The following LAMB1 variants were observed in gnomAD, a reference collection of about 807,000 sequenced individuals.
LAMB1 encodes the protein laminin subunit beta 1.
In LAMB1, 121 loss-of-function variants were observed where a neutral mutation model predicts 222.3. That is an observed-to-expected ratio of 0.54 (90% CI 0.47 to 0.63). The LOEUF is 0.63. Ranked by LOEUF, LAMB1 falls within the 30% of genes least tolerant of loss-of-function variation. The probability of loss-of-function intolerance (pLI) is 0.00; values close to 1 mark genes in which losing one functional copy is unlikely to be tolerated. For synonymous variants in LAMB1, 794 were observed against 807.2 expected (o/e 0.98, Z 0.28); for missense variants, 2,172 against 2,240.8 (o/e 0.97, Z 0.62).
Position 108,003,092 on chromosome 7 carries a change from GC to G in LAMB1, c.-87+18del. 1 of 1,169,488 alleles carries G rather than the reference GC, an allele frequency of 8.6e-7. No homozygotes were observed. The highest frequency in any genetic ancestry group is 1.2e-6 in the Non-Finnish European group (1 of 863,046). The allele number at this position is 1,169,488 out of a possible 1,614,324, so 72.4% of individuals were successfully genotyped here. A position where few individuals can be genotyped will look rare whatever the true frequency, so the allele number is the denominator to read the frequency against. On this transcript the variant is annotated intron_variant, in intron 1 of 33. Transcript: ENST00000222399. ...GCTGGAAAGTGGGGAAAATCGTGCA[GC>G]CACTTTGTTCTCCTCACCCGGCGAC...
At chr7:107,960,371 T>G (rs1186037136) in intron 18 of LAMB1, 74 bp downstream of exon 18, 4 of 1,120,096 alleles carry the variant, frequency 3.6e-6, no homozygotes, top group Non-Finnish European at 5.4e-6. Context: ...GGGTGGGCAC[T>G]CCACTGTACT....
intron 5 of LAMB1, among the ~76,000 whole-genome samples, chr7:107,988,622 G>C (rs2034125816): frequency 6.6e-6 from 1 of 152,140 alleles, no homozygotes; most frequent in East Asian, 1.9e-4. Flanking sequence ...TTCATATGCT[G>C]AAGACCTAAC....
At chr7:107,970,314 C>A (rs781029296) in intron 13 of LAMB1, among the ~76,000 whole-genome samples, 39 of 151,866 alleles carry the variant, frequency 2.6e-4, no homozygotes, top group Non-Finnish European at 5.4e-4. Flanking sequence ...ATGGTGAAAC[C>A]CCGTCTCTAC....
chr7:107,953,295 T>C lies in LAMB1; in HGVS notation c.3079+235A>G, dbSNP rs113339564. On this transcript the variant is annotated intron_variant, in intron 22 of 33. Transcript: ENST00000222399. ...TCACTTGAACTCTGGAGGCAGAGGT[T>C]ATAGTGAGCTGAGATCATGCCACTG... is the stretch of plus-strand genomic sequence containing the variant. Among the ~76,000 whole-genome samples, 682 of 151,834 alleles carry C rather than the reference T, an allele frequency of 4.5e-3. 6 individuals are homozygous for C. Among genetic ancestry groups the C allele is most frequent in the African/African-American group, 0.016 (645 of 41,342 alleles).
Position 107,975,230 on chromosome 7 carries a change from C to T in LAMB1, c.1369+4G>A, listed in dbSNP as rs1562998867. 6.2e-7 allele frequency: 1 copy of T among 1,608,210 alleles called. No individual in the cohort carries two copies. The highest frequency in any genetic ancestry group is 1.3e-5 in the African/African-American group (1 of 74,862). Reference sequence around the variant, plus strand: ...CTCCCAAACTTTTTAGCAAACAGACCTACATTTACAACCAAATGGATCTTC... The same window carrying T: ...CTCCCAAACTTTTTAGCAAACAGACTTACATTTACAACCAAATGGATCTTC... On this transcript the variant is annotated splice_donor_region_variant and intron_variant, in intron 11 of 33. Coordinates refer to ENST00000222399, the MANE Select transcript of LAMB1 (RefSeq NM_002291.3).
At chr7:107,940,387 T>A in intron 24 of LAMB1, 29 bp from the exon 25 acceptor site, 3 of 1,592,386 alleles carry the variant, frequency 1.9e-6, no homozygotes, top group Non-Finnish European at 2.6e-6. Flanking sequence ...TGCTAGCTGA[T>A]CTACTTAATC....
intron 27 of LAMB1, 163 bp downstream of exon 27, chr7:107,935,252 T>C: frequency 1.9e-6 from 2 of 1,047,632 alleles, no homozygotes. Context: ...AGATACCCCA[T>C]TCCAGGATCC....
chr7:107,951,359 C>T (rs778801513), intron 23 of LAMB1, 37 bp from the exon 24 acceptor site: 1 of 1,589,512 alleles, frequency 6.3e-7, no homozygotes, highest in Non-Finnish European at 8.6e-7. Context: ...AAGCAGGCTT[C>T]AGGCCAGAAG....
At chr7:107,947,407 G>T (rs1392403183) in intron 24 of LAMB1, among the ~76,000 whole-genome samples, 2 of 152,310 alleles carry the variant, frequency 1.3e-5, no homozygotes, top group East Asian at 3.9e-4. Context: ...GAAAAGAGCT[G>T]ATGTTCTTTT....
intron 24 of LAMB1, among the ~76,000 whole-genome samples, chr7:107,950,492 C>G (rs971475393): frequency 3.9e-5 from 6 of 152,304 alleles, no homozygotes; most frequent in African/African-American, 1.4e-4. Flanking sequence ...TCAAGCAATC[C>G]TGATGATTCA....
intron 10 of LAMB1, 63 bp downstream of exon 10, chr7:107,975,626 C>T: frequency 2.0e-6 from 3 of 1,469,386 alleles, no homozygotes; most frequent in Non-Finnish European, 2.8e-6. Context: ...AGACTACTGA[C>T]TATTCAGTTT....
intron 7 of LAMB1, among the ~76,000 whole-genome samples, chr7:107,985,031 A>C (rs1293880211): frequency 6.6e-6 from 1 of 152,144 alleles, no homozygotes; most frequent in Non-Finnish European, 1.5e-5. Context: ...GAACAACTAG[A>C]TTTGGGGAGA....
At position 107,998,342 on chromosome 7, in the gene LAMB1, A is replaced by AC. The variant is rs775108449; in HGVS notation, c.349+14dup. 18 of 1,612,796 alleles carry AC rather than the reference A, an allele frequency of 1.1e-5. No individual in the cohort carries two copies. Among genetic ancestry groups the AC allele is most frequent in the Middle Eastern group, 3.3e-4 (2 of 6,078 alleles). ...ATCACACTCAACGGAACTTGTCCCC[A>AC]CACCAACCACATACCATTTTCAGAT... is the stretch of plus-strand genomic sequence containing the variant. On this transcript the variant is annotated intron_variant, in intron 4 of 33. Transcript: ENST00000222399.
intron 7 of LAMB1, among the ~76,000 whole-genome samples, chr7:107,983,128 T>G (rs993190070): frequency 3.9e-5 from 6 of 152,178 alleles, no homozygotes; most frequent in African/African-American, 1.2e-4. Flanking sequence ...AAATATTTGT[T>G]TTACAAGAGA....
rs779258475 is a variant in LAMB1 at position 107,929,163 on chromosome 7, C to A, written c.4788G>T (p.Lys1596Asn). 1 of 1,614,024 alleles carries A rather than the reference C, an allele frequency of 6.2e-7. No homozygotes were observed. ...TDVKVTADMV[K>N]EALEEAEKAQ... ...CCTTTTCTGCTTCTTCCAGAGCTTCCTTTACCATATCTGCAGTGACTTTAA... is the reference window on the plus strand; with the variant it reads ...CCTTTTCTGCTTCTTCCAGAGCTTCATTTACCATATCTGCAGTGACTTTAA... Residue 1596 changes from lysine to asparagine, a missense_variant, in exon 31 of 34, where the codon AAG (lysine) becomes AAT (asparagine). Lys to Asn is a moderately conservative substitution (Grantham distance 94). Coordinates refer to ENST00000222399, the MANE Select transcript of LAMB1 (RefSeq NM_002291.3).
chr7:107,975,934 A>T (rs1048736359), intron 9 of LAMB1, 57 bp from the exon 10 acceptor site: 3 of 1,475,764 alleles, frequency 2.0e-6, no homozygotes, highest in Non-Finnish European at 1.8e-6. Context: ...CCAATGGAGG[A>T]TGGGGGTGGC....
intron 9 of LAMB1, among the ~76,000 whole-genome samples, chr7:107,976,181 G>C (rs752983610): frequency 6.6e-6 from 1 of 152,248 alleles, no homozygotes; most frequent in African/African-American, 2.4e-5. Context: ...GTATGACAGA[G>C]GATGGCTGCC....
At chr7:107,927,479 C>T (rs1360644882) in intron 31 of LAMB1, among the ~76,000 whole-genome samples, 1 of 152,000 alleles carries the variant, frequency 6.6e-6, no homozygotes, top group East Asian at 1.9e-4. Flanking sequence ...GCTATATTTC[C>T]CAGGCTGGAG....
At chr7:107,982,586 A>G (rs1405060085) in intron 7 of LAMB1, among the ~76,000 whole-genome samples, 1 of 152,228 alleles carries the variant, frequency 6.6e-6, no homozygotes, top group African/African-American at 2.4e-5. Flanking sequence ...CAAAATGAGC[A>G]CAAGCGCCTA....
Sources: gnomAD v4.1 joint callset for allele counts (sites outside exome capture counted in the v4.1 genomes callset) on GRCh38, gnomAD v4.1.1 for gene constraint, MANE v1.5 for transcripts, NCBI Gene and HGNC (gene_info 2026-07-23, HGNC 2026-07-21) for gene names.